The following EFCAB6 variants were observed in gnomAD, a reference collection of about 807,000 sequenced individuals.
EFCAB6 encodes the protein EF-hand calcium-binding domain-containing protein 6.
Under a neutral mutation model 169.8 loss-of-function variants are expected in EFCAB6, and 156 were observed. The ratio of observed to expected loss-of-function variants is 0.92; its 90% CI spans 0.81 to 1.05. The LOEUF (loss-of-function observed/expected upper bound fraction) is 1.05, where lower values mean the gene tolerates loss of function less well. Among genes scored for constraint, EFCAB6 ranks in the 50% least tolerant of loss-of-function variants. EFCAB6 has a pLI of 0.00. For missense variants in EFCAB6, 1,800 were observed against 1,829.1 expected, an observed-to-expected ratio of 0.98 and a Z score of 0.29; for synonymous variants, 698 against 676.4, an observed-to-expected ratio of 1.03 and a Z score of -0.50.
intron 27 of EFCAB6, among the ~76,000 whole-genome samples, chr22:43,543,331 G>A (rs1483050299): frequency 2.0e-5 from 3 of 152,076 alleles, no homozygotes; most frequent in East Asian, 1.9e-4. Context: ...CCACCAGGGC[G>A]GCTCCCACCT....
At chr22:43,561,987 C>T (rs1602271256) in intron 26 of EFCAB6, among the ~76,000 whole-genome samples, 1 of 152,120 alleles carries the variant, frequency 6.6e-6, no homozygotes, top group South Asian at 2.1e-4. Context: ...GTGCTGGGCC[C>T]GAACACCTCA....
At chr22:43,689,181 C>G (rs1177025911) in intron 10 of EFCAB6, among the ~76,000 whole-genome samples, 1 of 151,850 alleles carries the variant, frequency 6.6e-6, no homozygotes, top group East Asian at 1.9e-4. Flanking sequence ...GATGAGCTGG[C>G]TAGCCATTGA....
chr22:43,677,912 T>A, intron 13 of EFCAB6, 84 bp downstream of exon 13: 2 of 1,344,378 alleles, frequency 1.5e-6, no homozygotes, highest in South Asian at 1.4e-5. Context: ...ATTTAAACCA[T>A]ATTTCACTTG....
At chr22:43,644,497 C>T (rs1395173678) in intron 17 of EFCAB6, among the ~76,000 whole-genome samples, 1 of 152,218 alleles carries the variant, frequency 6.6e-6, no homozygotes, top group African/African-American at 2.4e-5. Flanking sequence ...TAAATCTTCT[C>T]TCTGATCCCC....
intron 17 of EFCAB6, among the ~76,000 whole-genome samples, chr22:43,648,044 T>C (rs918352506): frequency 1.3e-5 from 2 of 152,172 alleles, no homozygotes; most frequent in African/African-American, 4.8e-5. Context: ...ACCCTAACCC[T>C]ATTAGGAAAC....
At chr22:43,567,743 G>A (rs528774622) in intron 26 of EFCAB6, among the ~76,000 whole-genome samples, 4 of 152,146 alleles carry the variant, frequency 2.6e-5, no homozygotes, top group East Asian at 1.9e-4. Context: ...TCCTTCCTGC[G>A]TCTCCTTTAC....
At chr22:43,594,926 A>AGT (rs2051879711) in intron 23 of EFCAB6, among the ~76,000 whole-genome samples, 2 of 152,228 alleles carry the variant, frequency 1.3e-5, no homozygotes, top group African/African-American at 4.8e-5. Context: ...CATCATATCA[A>AGT]GTATCTTTTC....
rs767772222 is a variant in EFCAB6, at chr22:43,678,074, T to C, written c.1341A>G (p.Leu447=). The C allele has an allele frequency of 2.5e-6, 4 of 1,613,946 alleles. No individual in the cohort carries two copies. Among genetic ancestry groups the C allele is most frequent in the Non-Finnish European group, 3.4e-6 (4 of 1,179,968 alleles). ...VKLSDSEFKE[L]MQMLDPGDTG... ...TGTCCCCAGGGTCAAGCATTTGCAT[T>C]AGTTCTTTGAATTCTGAATCGCTTA... Residue 447 remains leucine (L), a synonymous_variant, in exon 13 of 32, where the codon CTA becomes CTG. Coordinates refer to ENST00000262726, the MANE Select transcript of EFCAB6 (RefSeq NM_022785.4).
At position 43,558,873 on chromosome 22, in the gene EFCAB6, C is replaced by T. The variant is rs1030222422; in HGVS notation, c.3421-3777G>A. ...AAAAATTCATTGACTCATTTTATTG[C>T]GATATTTGCTTTGCTACGGTCTGGA... On this transcript the variant is annotated intron_variant, in intron 26 of 31. Transcript: ENST00000262726. Among the ~76,000 whole-genome samples, 7 of 152,038 alleles carry T rather than the reference C, an allele frequency of 4.6e-5. No homozygotes were observed. The East Asian group carries it at 1.3e-3, about 29-fold the overall frequency.
chr22:43,709,378 G>A (rs1388397488), intron 10 of EFCAB6, among the ~76,000 whole-genome samples: 3 of 152,022 alleles, frequency 2.0e-5, no homozygotes, highest in East Asian at 1.9e-4. Flanking sequence ...CACTGCGCCC[G>A]GCCTTATTTC....
intron 4 of EFCAB6, among the ~76,000 whole-genome samples, chr22:43,771,116 C>T (rs2061455069): frequency 6.6e-6 from 1 of 152,116 alleles, no homozygotes; most frequent in Non-Finnish European, 1.5e-5. Context: ...GAGGTAGCAT[C>T]AAGTCAGACT....
intron 27 of EFCAB6, among the ~76,000 whole-genome samples, chr22:43,548,245 TA>T (rs2048175517): frequency 6.6e-6 from 1 of 152,040 alleles, no homozygotes; most frequent in Admixed American, 6.6e-5. Flanking sequence ...ACTGTATTTT[TA>T]AAAAAATCCA....
chr22:43,555,513 G>T (rs932749837), intron 26 of EFCAB6, among the ~76,000 whole-genome samples: 1 of 152,238 alleles, frequency 6.6e-6, no homozygotes, highest in African/African-American at 2.4e-5. Flanking sequence ...TTCATTTCAG[G>T]ATGCCAGTTT....
In EFCAB6 at chr22:43,530,795, GGGCGCAGAGCTGTGCT is replaced by G; in HGVS notation, c.4383+4_4383+19del. The G allele has an allele frequency of 6.2e-7, 1 of 1,612,432 alleles. No homozygotes were observed. Among genetic ancestry groups the G allele is most frequent in the Admixed American group, 1.7e-5 (1 of 59,964 alleles). ...GGCAGCTGCTCCCTGCAGAGGCACT[GGGCGCAGAGCTGTGCT>G]CACCGTCCTGAAATCTGCGACGCTT... On this transcript the variant is annotated splice_donor_5th_base_variant and intron_variant, in intron 31 of 31. Transcript: ENST00000262726.
chr22:43,690,329 C>T (rs2058360542), intron 10 of EFCAB6, among the ~76,000 whole-genome samples: 1 of 134,494 alleles, frequency 7.4e-6, no homozygotes, highest in African/African-American at 2.9e-5. Context: ...GAAACCCCGT[C>T]TCTACTAAAA....
Position 43,791,809 on chromosome 22 carries a change from A to G in EFCAB6, c.-7-9484T>C, listed in dbSNP as rs183227572. ...AAGAACTCTGCTGTAATGGGGAGAA[A>G]CAGTAGAGCTGAGAGACAGTGTGAT... On this transcript the variant is annotated intron_variant, in intron 2 of 31. Coordinates refer to ENST00000262726, the MANE Select transcript of EFCAB6 (RefSeq NM_022785.4). 5.9e-4 allele frequency among the ~76,000 whole-genome samples: 90 copies of G among 152,276 alleles called. No individual in the cohort carries two copies. In the Middle Eastern group the frequency reaches 0.031, roughly 52 times the overall value.
At chr22:43,612,460 G>A (rs1299305309) in intron 21 of EFCAB6, among the ~76,000 whole-genome samples, 1 of 152,106 alleles carries the variant, frequency 6.6e-6, no homozygotes, top group Non-Finnish European at 1.5e-5. Context: ...AGTGGGCAAA[G>A]GACATGAACA....
intron 2 of EFCAB6, among the ~76,000 whole-genome samples, chr22:43,806,186 G>T (rs113991511): frequency 2.3e-5 from 1 of 43,132 alleles, no homozygotes; most frequent in African/African-American, 8.5e-5. Flanking sequence ...AGGAGAGGAG[G>T]GGGAGGGGAG....
At position 43,731,788 on chromosome 22, in the gene EFCAB6, T is replaced by G. The variant is rs753434467; in HGVS notation, c.668A>C (p.His223Pro). 3 of 1,592,054 alleles carry G rather than the reference T, an allele frequency of 1.9e-6. No individual in the cohort carries two copies. The highest frequency in any genetic ancestry group is 1.7e-6 in the Non-Finnish European group (2 of 1,172,064). Residue 223 changes from histidine to proline, a missense_variant, in exon 8 of 32, where the codon CAC (histidine) becomes CCC (proline). Physicochemically the swap from His to Pro is moderately conservative, Grantham distance 77. Transcript: ENST00000262726. ...GTTGTAATCTACTGCAGTATCCTTG[T>G]GGATGTTGTAGTGTTTCGAAAACCT... ...YEKFSKHYNI[H>P]KDTAVDYNVF...
Sources: allele counts gnomAD v4.1 joint callset (sites outside exome capture counted in the v4.1 genomes callset), GRCh38; gene constraint gnomAD v4.1.1; transcripts MANE v1.5; gene names NCBI Gene and HGNC (gene_info 2026-07-23, HGNC 2026-07-21).